Variants in FBF1 observed in about 807,000 individuals in gnomAD.
FBF1 encodes the protein Fas binding factor 1.
A neutral mutation model predicts 147.2 loss-of-function variants in FBF1; 119 were observed. The ratio of observed to expected loss-of-function variants is 0.81; its 90% confidence interval spans 0.70 to 0.94. The LOEUF (loss-of-function observed/expected upper bound fraction) is 0.94. Ranked by LOEUF, FBF1 falls within the 40% of genes least tolerant of loss-of-function variation. FBF1 has a pLI of 0.00. For synonymous variants in FBF1, 601 were observed against 609.0 expected (o/e 0.99, Z 0.19); for missense variants, 1,449 against 1,500.8 (o/e 0.97, Z 0.57).
chr17:75,919,770 G>T lies in FBF1; in HGVS notation c.2036C>A (p.Ala679Asp). Residue 679 changes from alanine (A) to aspartate (D), a missense_variant, in exon 20 of 30, where the codon GCC becomes GAC. Ala to Asp is a moderately radical substitution (Grantham distance 126). Coordinates refer to ENST00000636174, the MANE Select transcript of FBF1 (RefSeq NM_001319193.2). This position sits in a 1 kb window ranked among gnomAD's most constrained non-coding sequence, Gnocchi z 5.0. ...CGTAAGCTCAGCACGGGCCTGTTCG[G>T]CCTCCTGGCACTGCGACAGATACCG... ...SARYLSQCQE[A>D]EQARAELTAQ... 5 of 1,613,590 alleles carry T rather than the reference G, an allele frequency of 3.1e-6. No individual in the cohort carries two copies. Among genetic ancestry groups the T allele is most frequent in the Non-Finnish European group, 4.2e-6 (5 of 1,179,868 alleles).
Position 75,925,939 on chromosome 17 carries a change from T to C in FBF1, c.868+91A>G, listed in dbSNP as rs2065558217. On this transcript the variant is annotated intron_variant, in intron 12 of 29. Coordinates refer to ENST00000636174, the MANE Select transcript of FBF1 (RefSeq NM_001319193.2). The surrounding 1 kb of genome is among the most constrained non-coding windows in gnomAD (Gnocchi z 5.0). ...GTATAATCACATGTGTGTATCAGGA[T>C]GTGAGGCTGATTTCTCATTATAGGT... The C allele has an allele frequency of 2.1e-5, 31 of 1,458,358 alleles. No homozygotes were observed. The highest frequency in any genetic ancestry group is 2.7e-5 in the Non-Finnish European group (30 of 1,096,964). 90.3% of individuals were successfully genotyped at this position (1,458,358 alleles called of 1,614,324 possible). A position where few individuals can be genotyped will look rare whatever the true frequency, so the allele number is the denominator to read the frequency against.
intron 8 of FBF1, among the ~76,000 whole-genome samples, chr17:75,927,766 G>A (rs1347105942): frequency 1.3e-5 from 2 of 152,180 alleles, no homozygotes; most frequent in East Asian, 1.9e-4. Flanking sequence ...CAGAGACATG[G>A]GTTCAGGAGA....
chr17:75,930,778 C>G (rs1598160372), intron 6 of FBF1, among the ~76,000 whole-genome samples: 1 of 152,214 alleles, frequency 6.6e-6, no homozygotes, highest in African/African-American at 2.4e-5. Context: ...AAAAATCAGC[C>G]AGGCGTGGTG....
At position 75,919,655 on chromosome 17, in the gene FBF1, C is replaced by A; in HGVS notation, c.2138+13G>T. On this transcript the variant is annotated intron_variant, in intron 20 of 29. Transcript: ENST00000636174. This position sits in a 1 kb window ranked among gnomAD's most constrained non-coding sequence, Gnocchi z 5.0. ...GCAAGCCTGCTCCCCAGCTGCCTGT[C>A]CCTGGGCCTCACCGCTGCAGCTCCC... 6.3e-7 allele frequency: 1 copy of A among 1,585,032 alleles called. No homozygotes were observed. Among genetic ancestry groups the A allele is most frequent in the South Asian group, 1.1e-5 (1 of 87,886 alleles).
rs1349277162 is a variant in FBF1, at chr17:75,914,849, G to A, written c.2712C>T (p.Phe904=). The change falls in exon 25 of 30, where the codon TTC becomes TTT. Residue 904 remains phenylalanine (F), a synonymous_variant. Coordinates refer to ENST00000636174, the MANE Select transcript of FBF1 (RefSeq NM_001319193.2). ...CCTTACTCAGCTTTTGCTGCGCGGA[G>A]AACTCCGCCCACTCGGCAGCCAGGC... The part of the protein sequence containing the change: ...RRRLAAEWAE[F]SAQQKLSKER... The A allele has an allele frequency of 1.2e-6, 2 of 1,610,744 alleles. No individual in the cohort carries two copies. Among genetic ancestry groups the A allele is most frequent in the Admixed American group, 1.7e-5 (1 of 59,864 alleles).
intron 7 of FBF1, 121 bp downstream of exon 7, chr17:75,929,876 G>A: frequency 1.1e-6 from 1 of 889,108 alleles, no homozygotes. Context: ...GCACGAGGAA[G>A]GGCTCAGAAA....
At chr17:75,929,945 A>AGGGGGGGCCCCCC in intron 7 of FBF1, 52 bp downstream of exon 7, 2 of 650,898 alleles carry the variant, frequency 3.1e-6, no homozygotes, top group East Asian at 2.8e-5. Flanking sequence ...AAATATCATG[A>AGGGGGGGCCCCCC]CCCCACCCCA....
chr17:75,926,335 C>T lies in FBF1; in HGVS notation c.687G>A (p.Leu229=). ...CTGCTTTGGGGCTGTCTCCAAACCC[C>T]AAGGTGGCCATGATGTCATCCCCAT... The part of the protein sequence containing the change: ...FDDGDDIMAT[L]GFGDSPKAEK... The change falls in exon 11 of 30, where the codon TTG becomes TTA. Residue 229 remains leucine, a synonymous_variant. Coordinates refer to ENST00000636174, the MANE Select transcript of FBF1 (RefSeq NM_001319193.2). 6.2e-7 allele frequency: 1 copy of T among 1,613,290 alleles called. No homozygotes were observed. Among genetic ancestry groups the T allele is most frequent in the East Asian group, 2.2e-5 (1 of 44,868 alleles).
In FBF1 at chr17:75,925,058, G is replaced by A. The variant is rs2065551461; in HGVS notation, c.968+289C>T. Among the ~76,000 whole-genome samples, 1 of 152,206 alleles carries A rather than the reference G, an allele frequency of 6.6e-6. No individual in the cohort carries two copies. The highest frequency in any genetic ancestry group is 2.1e-4 in the South Asian group (1 of 4,838). On this transcript the variant is annotated intron_variant, in intron 13 of 29. Transcript: ENST00000636174. The surrounding 1 kb of genome is among the most constrained non-coding windows in gnomAD (Gnocchi z 5.0). Reference sequence around the variant, plus strand: ...GCCTTTTATGATTTCAGGGGCTTTAGGTGGAGGCAGGCCCACCTGCCCCTT... The same window carrying A: ...GCCTTTTATGATTTCAGGGGCTTTAAGTGGAGGCAGGCCCACCTGCCCCTT...
chr17:75,917,423 A>G (rs1045821754), intron 23 of FBF1, among the ~76,000 whole-genome samples: 2 of 152,258 alleles, frequency 1.3e-5, no homozygotes, highest in African/African-American at 2.4e-5. Flanking sequence ...TTCGAGTGTC[A>G]GGAAGTGGGA....
Position 75,918,134 on chromosome 17 carries a change from G to C in FBF1, c.2246+28C>G, listed in dbSNP as rs966260794. 1 of 1,610,882 alleles carries C rather than the reference G, an allele frequency of 6.2e-7. No individual in the cohort carries two copies. Among genetic ancestry groups the C allele is most frequent in the Non-Finnish European group, 8.5e-7 (1 of 1,178,126 alleles). On this transcript the variant is annotated intron_variant, in intron 21 of 29. Coordinates refer to ENST00000636174, the MANE Select transcript of FBF1 (RefSeq NM_001319193.2). The surrounding 1 kb of genome is among the most constrained non-coding windows in gnomAD (Gnocchi z 5.8). ...GGGACCTTCCGGCCCCCAACGTCAG[G>C]CGGGCATGGTTGGGGCAGCGCACAT...
chr17:75,937,963 C>T, intron 2 of FBF1, 184 bp downstream of exon 2: 1 of 836,460 alleles, frequency 1.2e-6, no homozygotes, highest in South Asian at 1.6e-5. Flanking sequence ...CACTCAGAGT[C>T]TCAGAAGAAA....
At position 75,923,255 on chromosome 17, in the gene FBF1, C is replaced by T. The variant is rs1156514604; in HGVS notation, c.1355G>A (p.Arg452Lys). ...CTCAGAGGTCCCAGCATGCTGCTCT[C>T]TGGCCAGGCCTTGGGACTTCTTCCG... ...LSRKKSQGLA[R>K]EQHAGTSEGL... The change falls in exon 14 of 30, where the codon AGA becomes AAA. Residue 452 changes from arginine (R) to lysine (K), a missense_variant. By Grantham distance (26) the Arg-to-Lys change is conservative (BLOSUM62 2). Transcript: ENST00000636174. The surrounding 1 kb of genome is among the most constrained non-coding windows in gnomAD (Gnocchi z 4.1). The T allele has an allele frequency of 1.8e-5, 28 of 1,589,592 alleles. No individual in the cohort carries two copies. The highest frequency in any genetic ancestry group is 2.4e-5 in the Non-Finnish European group (28 of 1,168,484).
intron 15 of FBF1, 23 bp downstream of exon 15, chr17:75,921,922 C>A (rs1160215256): frequency 6.5e-7 from 1 of 1,544,274 alleles, no homozygotes; most frequent in East Asian, 2.4e-5. Context: ...CTCATTCCCA[C>A]TCAGCCCGCA....
Position 75,923,196 on chromosome 17 carries a change from G to T in FBF1, c.1414C>A (p.Pro472Thr). The T allele has an allele frequency of 6.3e-7, 1 of 1,583,744 alleles. No individual in the cohort carries two copies. The highest frequency in any genetic ancestry group is 8.6e-7 in the Non-Finnish European group (1 of 1,165,610). The change falls in exon 14 of 30, where the codon CCT (proline) becomes ACT (threonine). Residue 472 changes from proline to threonine, a missense_variant. By Grantham distance (38) the Pro-to-Thr change is conservative (BLOSUM62 -1). Coordinates refer to ENST00000636174, the MANE Select transcript of FBF1 (RefSeq NM_001319193.2). This position sits in a 1 kb window ranked among gnomAD's most constrained non-coding sequence, Gnocchi z 4.1. ...LHLAGTAGHP[P>T]SGSQPLTSTQ... Reference sequence around the variant, plus strand: ...AGCCTAAGTCAGTACCTGCCAGAAGGGGGATGGCCCGCTGTCCCCGCCAAA... The same window carrying T: ...AGCCTAAGTCAGTACCTGCCAGAAGTGGGATGGCCCGCTGTCCCCGCCAAA...
chr17:75,912,333 G>A, intron 28 of FBF1, 26 bp from the exon 29 acceptor site: 3 of 1,525,126 alleles, frequency 2.0e-6, no homozygotes, highest in Non-Finnish European at 2.7e-6. Context: ...AGGAAGTCAG[G>A]GACCAAAGTG....
In FBF1 at chr17:75,914,033, G is replaced by A. The variant is rs369262043; in HGVS notation, c.3009C>T (p.Tyr1003=). The A allele has an allele frequency of 1.0e-4, 164 of 1,588,402 alleles. No homozygotes were observed. The Middle Eastern group carries it at 1.3e-3, about 13-fold the overall frequency. The change falls in exon 27 of 30, where the codon TAC becomes TAT. Residue 1003 remains tyrosine, a synonymous_variant. Transcript: ENST00000636174. ...CGCGCAATGCCCGCTCCCCCTCCTC[G>A]TACTTCTCGGAGGCCACCTGCAGGG... ...ESMSKVASEK[Y]EEGERALREA...
chr17:75,921,041 C>T (rs1296063611), intron 17 of FBF1, among the ~76,000 whole-genome samples: 1 of 152,244 alleles, frequency 6.6e-6, no homozygotes, highest in Non-Finnish European at 1.5e-5. Flanking sequence ...GGCAAATTAA[C>T]ACCCAGCTCT....
intron 23 of FBF1, 51 bp downstream of exon 23, chr17:75,917,681 G>A (rs1368926887): frequency 1.3e-6 from 2 of 1,494,566 alleles, no homozygotes; most frequent in Non-Finnish European, 1.8e-6. Context: ...GTGCCCTGGA[G>A]AAGAGGCCCC....
Sources: allele counts gnomAD v4.1 joint callset (sites outside exome capture counted in the v4.1 genomes callset), GRCh38; gene constraint gnomAD v4.1.1; non-coding constraint Gnocchi (gnomAD v3.1); transcripts MANE v1.5; gene names NCBI Gene and HGNC (gene_info 2026-07-23, HGNC 2026-07-21).